Variants in ATXN7 observed in about 807,000 individuals in gnomAD.
The protein encoded by ATXN7 is ataxin 7.
In ATXN7, 12 loss-of-function variants were observed where a neutral mutation model predicts 70.5. That is an observed-to-expected ratio of 0.17 (90% confidence interval 0.11 to 0.28). ATXN7 has a LOEUF of 0.28. ATXN7 is among the 10% of genes least tolerant of loss of function. ATXN7 has a pLI of 1.00. For missense variants in ATXN7, 1,256 were observed against 1,131.7 expected (o/e 1.11, Z -1.58); for synonymous variants, 498 against 448.7 (o/e 1.11, Z -1.39).
intron 4 of ATXN7, among the ~76,000 whole-genome samples, chr3:63,932,289 T>G (rs2074562181): frequency 6.6e-6 from 1 of 152,228 alleles, no homozygotes; most frequent in Non-Finnish European, 1.5e-5. Context: ...ATACAGTATT[T>G]TGGCTGCATT....
intron 5 of ATXN7, among the ~76,000 whole-genome samples, chr3:63,970,541 T>A (rs1428838086): frequency 6.6e-6 from 1 of 152,218 alleles, no homozygotes; most frequent in Non-Finnish European, 1.5e-5. Flanking sequence ...TTACAAATGT[T>A]TGCAAAAAGC....
intron 2 of ATXN7, among the ~76,000 whole-genome samples, chr3:63,907,381 A>ACG (rs1703871282): frequency 6.6e-6 from 1 of 151,836 alleles, no homozygotes; most frequent in African/African-American, 2.4e-5. Context: ...ATGGTAGCTG[A>ACG]CGCAGTACAC....
intron 1 of ATXN7, among the ~76,000 whole-genome samples, chr3:63,896,559 A>G (rs537404749): frequency 1.7e-4 from 26 of 152,248 alleles, no homozygotes; most frequent in East Asian, 1.5e-3. Context: ...ACCTTCCTCA[A>G]TCTGTTTCTT....
rs1183051326 is a variant in ATXN7 at position 64,000,853 on chromosome 3, G to C, written c.*1386G>C. The C allele has an allele frequency of 7.4e-6, 1 of 135,624 alleles. No individual in the cohort carries two copies. The highest frequency in any genetic ancestry group is 1.5e-5 in the Non-Finnish European group (1 of 66,164). The allele number at this position is 135,624 out of a possible 1,614,324, so 8.4% of individuals were successfully genotyped here. On this transcript the variant is annotated 3_prime_UTR_variant, in exon 13 of 13. Transcript: ENST00000674280. ...TAATATGTTAAAACAGCATTGCTTGGAGAAGGTGTCATTGAATTCCGGGAC... is the reference window on the plus strand; with the variant it reads ...TAATATGTTAAAACAGCATTGCTTGCAGAAGGTGTCATTGAATTCCGGGAC...
At chr3:63,916,568 G>C (rs1704275733) in intron 4 of ATXN7, among the ~76,000 whole-genome samples, 1 of 152,144 alleles carries the variant, frequency 6.6e-6, no homozygotes, top group African/African-American at 2.4e-5. Context: ...CAGAAGGTTG[G>C]AACTCTTGAT....
At chr3:63,864,984 C>G (rs3733121) in intron 1 of ATXN7, 15,563 of 152,236 alleles carry the variant, frequency 0.1, 979 homozygotes, top group Admixed American at 0.15. Context: ...AGGATCGTGT[C>G]TCATTTTGAA....
In ATXN7 at chr3:63,953,241, T is replaced by A. The variant is rs117859519; in HGVS notation, c.499+758T>A. Among the ~76,000 whole-genome samples the A allele has an allele frequency of 1.4e-4, 21 of 152,232 alleles. No homozygotes were observed. The East Asian group carries it at 4.1e-3, about 29-fold the overall frequency. The stretch of plus-strand genomic sequence containing the variant: ...TTGGGGTTCTTCTATAGATAGAGTG[T>A]TTAAAGAAAGCATCTTAGGAGGTGA... On this transcript the variant is annotated intron_variant, in intron 5 of 12. Coordinates refer to ENST00000674280, the MANE Select transcript of ATXN7 (RefSeq NM_001377405.1).
chr3:63,863,854 AG>A, upstream of ATXN7: 4 of 1,207,318 alleles, frequency 3.3e-6, no homozygotes, highest in Non-Finnish European at 4.1e-6. Context: ...GCGGCGGCGG[AG>A]GTCAAACTCC....
chr3:63,893,800 A>G (rs549192793), intron 1 of ATXN7, among the ~76,000 whole-genome samples: 2 of 140,748 alleles, frequency 1.4e-5, no homozygotes, highest in East Asian at 4.1e-4. Context: ...AAAACTCTCT[A>G]ACCCTTGAAG....
At chr3:63,874,219 A>G (rs1322694306) in intron 1 of ATXN7, among the ~76,000 whole-genome samples, 1 of 152,254 alleles carries the variant, frequency 6.6e-6, no homozygotes, top group Non-Finnish European at 1.5e-5. Flanking sequence ...ATTTTTATCC[A>G]GTGCATAGTG....
At chr3:63,982,623 A>AGAGTGTGT (rs147414924) in intron 7 of ATXN7, among the ~76,000 whole-genome samples, 178 bp downstream of exon 7, 7 of 143,464 alleles carry the variant, frequency 4.9e-5, no homozygotes, top group Admixed American at 1.4e-4. Flanking sequence ...AAAGAGCATG[A>AGAGTGTGT]GTGTGTGTGT....
At chr3:63,895,958 G>T (rs929865337) in intron 1 of ATXN7, among the ~76,000 whole-genome samples, 1 of 152,052 alleles carries the variant, frequency 6.6e-6, no homozygotes, top group Non-Finnish European at 1.5e-5. Context: ...GAGGTAGCTT[G>T]CAGCCTCCAC....
intron 5 of ATXN7, among the ~76,000 whole-genome samples, chr3:63,955,553 T>C (rs1290112213): frequency 6.6e-6 from 1 of 152,220 alleles, no homozygotes; most frequent in Non-Finnish European, 1.5e-5. Context: ...GTGTCGTCTA[T>C]CTTTTGGGGA....
chr3:63,898,352 T>C lies in ATXN7; in HGVS notation c.-110-47T>C, dbSNP rs531559400. 9.2e-5 allele frequency: 14 copies of C among 152,362 alleles called. No individual in the cohort carries two copies. The South Asian group carries it at 2.1e-3, about 23-fold the overall frequency. The allele number at this position is 152,362 out of a possible 1,614,324, so 9.4% of individuals were successfully genotyped here. On this transcript the variant is annotated intron_variant, in intron 1 of 12. Transcript: ENST00000674280. ...TGAGATTGTATGTTTCTGATTAGCT[T>C]TGTCCATCCACTGTTTCATCCATTT...
intron 1 of ATXN7, among the ~76,000 whole-genome samples, chr3:63,887,609 A>C (rs1274860091): frequency 3.3e-5 from 5 of 152,048 alleles, no homozygotes. Context: ...TTTTCTAGAC[A>C]GGGTCTCACT....
chr3:63,984,682 A>C (rs2075545288), intron 8 of ATXN7, among the ~76,000 whole-genome samples: 1 of 152,222 alleles, frequency 6.6e-6, no homozygotes, highest in Non-Finnish European at 1.5e-5. Context: ...TAAGTGTGCA[A>C]GACAGTATTG....
At chr3:63,970,699 C>T (rs1035611499) in intron 5 of ATXN7, among the ~76,000 whole-genome samples, 4 of 152,196 alleles carry the variant, frequency 2.6e-5, no homozygotes, top group East Asian at 3.9e-4. Context: ...TATTTCTGCT[C>T]CTTTCTTAGC....
chr3:63,865,134 G>A (rs1471986691), intron 1 of ATXN7: 1 of 152,160 alleles, frequency 6.6e-6, no homozygotes. Context: ...CTAAATTTAG[G>A]TACATTCTCC....
chr3:63,964,240 T>G (rs751794482), intron 5 of ATXN7, among the ~76,000 whole-genome samples: 4 of 152,114 alleles, frequency 2.6e-5, no homozygotes, highest in Non-Finnish European at 5.9e-5. Context: ...TTATAGGCAG[T>G]TTCTCGGGCG....
Sources: allele counts gnomAD v4.1 joint callset (sites outside exome capture counted in the v4.1 genomes callset), GRCh38; gene constraint gnomAD v4.1.1; transcripts MANE v1.5; gene names NCBI Gene and HGNC (gene_info 2026-07-23, HGNC 2026-07-21).